Variants in CPXM1 observed in about 807,000 individuals in gnomAD.
CPXM1 encodes the protein carboxypeptidase X, M14 family member 1, also known as probable carboxypeptidase X1.
Under a neutral mutation model 80.4 loss-of-function variants are expected in CPXM1, and 72 were observed. That is an observed-to-expected ratio of 0.90 (90% CI 0.74 to 1.09). CPXM1 has a LOEUF of 1.09. CPXM1 is among the 50% of genes least tolerant of loss of function. The probability of loss-of-function intolerance (pLI) is 0.00; values close to 1 mark genes in which losing one functional copy is unlikely to be tolerated. For missense variants in CPXM1, 892 were observed against 999.4 expected (o/e 0.89, Z 1.45); for synonymous variants, 403 against 405.6 (o/e 0.99, Z 0.08).
intron 5 of CPXM1, 122 bp downstream of exon 5, chr20:2,797,846 C>T (rs1030758124): frequency 5.8e-6 from 5 of 861,738 alleles, no homozygotes; most frequent in Non-Finnish European, 9.2e-6. Flanking sequence ...TGACAACAAG[C>T]CACACCCCCC....
chr20:2,796,764 T>A lies in CPXM1; in HGVS notation c.922-114A>T. 1 of 1,440,336 alleles carries A rather than the reference T, an allele frequency of 6.9e-7. No individual in the cohort carries two copies. Among genetic ancestry groups the A allele is most frequent in the African/African-American group, 1.4e-5 (1 of 71,594 alleles). 89.2% of individuals were successfully genotyped at this position (1,440,336 alleles called of 1,614,324 possible). The stretch of plus-strand genomic sequence containing the variant: ...AGCGATGGCCCACACAGAGGGGGCA[T>A]CCCATCATGGTACAGGAGGGGAGCG... On this transcript the variant is annotated intron_variant, in intron 7 of 13. Transcript: ENST00000380605. This position sits in a 1 kb window ranked among gnomAD's most constrained non-coding sequence, Gnocchi z 6.8.
At chr20:2,799,567 GCC>G (rs1469911212) in intron 1 of CPXM1, among the ~76,000 whole-genome samples, 1 of 152,066 alleles carries the variant, frequency 6.6e-6, no homozygotes, top group African/African-American at 2.4e-5. Flanking sequence ...CGCATCTGGT[GCC>G]CCTGTGCCTT....
chr20:2,800,415 G>T lies in CPXM1; in HGVS notation c.158C>A (p.Ala53Glu). Residue 53 changes from alanine to glutamate, a missense_variant, in exon 1 of 14, where the codon GCG becomes GAG. By Grantham distance (107) the Ala-to-Glu change is moderately radical. This residue lies in a region of CPXM1 where 874 missense variants were observed against 958.4 expected (regional missense o/e 0.91). Transcript: ENST00000380605. ...GGGGAACTCACCGTTAGCTGTCTCC[G>T]CCGGCGGCTGTGCCGGGCTGCTATG... ...ALHSSPAQPPAETANGTSEQH... is the reference protein window; with the variant it reads ...ALHSSPAQPPEETANGTSEQH... 6.5e-7 allele frequency: 1 copy of T among 1,530,196 alleles called. No homozygotes were observed. The allele number at this position is 1,530,196 out of a possible 1,614,324, so 94.8% of individuals were successfully genotyped here.
chr20:2,795,641 C>T lies in CPXM1; in HGVS notation c.1678G>A (p.Gly560Ser), dbSNP rs149777086. ...PCHSQDFSVH[G>S]NIINGADWHT... The stretch of plus-strand genomic sequence containing the variant: ...CAGTCAGCCCCGTTGATGATGTTGC[C>T]GTGCACGGAGAAGTCCTGGCTGTGG... The change falls in exon 11 of 14, where the codon GGC (glycine) becomes AGC (serine). Residue 560 changes from glycine (G) to serine (S), a missense_variant. Gly to Ser is a moderately conservative substitution (Grantham distance 56). This residue lies in a region of CPXM1 where 874 missense variants were observed against 958.4 expected (regional missense o/e 0.91). Transcript: ENST00000380605. The surrounding 1 kb of genome is among the most constrained non-coding windows in gnomAD (Gnocchi z 5.4). 60 of 1,613,952 alleles carry T rather than the reference C, an allele frequency of 3.7e-5. No individual in the cohort carries two copies. The highest frequency in any genetic ancestry group is 1.3e-4 in the African/African-American group (10 of 74,918).
At chr20:2,797,142 T>A (rs770344224) in intron 6 of CPXM1, 48 bp from the exon 7 acceptor site, 1 of 1,612,618 alleles carries the variant, frequency 6.2e-7, no homozygotes, top group South Asian at 1.1e-5. Context: ...CAGTGAAGGA[T>A]GCACCCTGCA....
chr20:2,794,664 C>A lies in CPXM1; in HGVS notation c.1861-25G>T, dbSNP rs752581713. ...CCTGTGTGGGAAGAGGTTATCAGAGCCCTTCCCCTTCGGCAGGATAATGTG... is the reference window on the plus strand; with the variant it reads ...CCTGTGTGGGAAGAGGTTATCAGAGACCTTCCCCTTCGGCAGGATAATGTG... On this transcript the variant is annotated intron_variant, in intron 12 of 13. Transcript: ENST00000380605. The surrounding 1 kb of genome is among the most constrained non-coding windows in gnomAD (Gnocchi z 5.2). The A allele has an allele frequency of 2.4e-4, 379 of 1,577,092 alleles. 5 individuals are homozygous for A. The South Asian group carries it at 3.4e-3, about 14-fold the overall frequency.
In CPXM1 at chr20:2,798,384, C is replaced by T. The variant is rs774793206; in HGVS notation, c.450+44G>A. The T allele has an allele frequency of 1.1e-5, 17 of 1,601,884 alleles. No individual in the cohort carries two copies. In the East Asian group the frequency reaches 3.4e-4, roughly 32 times the overall value. ...GCAGGAGAGAAGCTCCCAGGGGCTG[C>T]CTTCCCTACCCTGAGACCATGGCTC... is the stretch of plus-strand genomic sequence containing the variant. On this transcript the variant is annotated intron_variant, in intron 3 of 13. Coordinates refer to ENST00000380605, the MANE Select transcript of CPXM1 (RefSeq NM_019609.5).
chr20:2,795,275 A>G lies in CPXM1; in HGVS notation c.1860+2T>C. The G allele has an allele frequency of 6.2e-7, 1 of 1,613,510 alleles. No homozygotes were observed. Among genetic ancestry groups the G allele is most frequent in the Non-Finnish European group, 8.5e-7 (1 of 1,179,868 alleles). ...GGCTGGGGGCCGGGACGCAGATCCGACCTGCTCCAGGTAGGTGAGGAGGGC... is the reference window on the plus strand; with the variant it reads ...GGCTGGGGGCCGGGACGCAGATCCGGCCTGCTCCAGGTAGGTGAGGAGGGC... On this transcript the variant is annotated splice_donor_variant, in intron 12 of 13. Coordinates refer to ENST00000380605, the MANE Select transcript of CPXM1 (RefSeq NM_019609.5). LOFTEE classifies it high-confidence loss of function. This position sits in a 1 kb window ranked among gnomAD's most constrained non-coding sequence, Gnocchi z 5.4.
In CPXM1 at chr20:2,798,234, C is replaced by T. The variant is rs759693140; in HGVS notation, c.508G>A (p.Ala170Thr). ...DGAWCAEEQDADPWFQVDAGH... is the reference protein window; with the variant it reads ...DGAWCAEEQDTDPWFQVDAGH... ...GCGTCCACCTGAAACCATGGATCGG[C>T]GTCCTGCTCCTCAGCACACCAGGCT... Residue 170 changes from alanine (A) to threonine (T), a missense_variant, in exon 4 of 14, where the codon GCC becomes ACC. Transcript: ENST00000380605. The T allele has an allele frequency of 3.1e-6, 5 of 1,613,852 alleles. No individual in the cohort carries two copies. Among genetic ancestry groups the T allele is most frequent in the African/African-American group, 2.7e-5 (2 of 74,936 alleles).
At position 2,794,201 on chromosome 20, in the gene CPXM1, G is replaced by C. The variant is rs1365725943; in HGVS notation, c.2194C>G (p.Gln732Glu). The C allele has an allele frequency of 1.9e-5, 31 of 1,611,734 alleles. No individual in the cohort carries two copies. The highest frequency in any genetic ancestry group is 2.6e-5 in the Non-Finnish European group (31 of 1,179,316). Residue 732 changes from glutamine to glutamate, a missense_variant, in exon 14 of 14, where the codon CAG becomes GAG. This residue lies in a region of CPXM1 where 874 missense variants were observed against 958.4 expected (regional missense o/e 0.91). Transcript: ENST00000380605. This position sits in a 1 kb window ranked among gnomAD's most constrained non-coding sequence, Gnocchi z 5.2. Reference sequence around the variant, plus strand: ...TTAAACCGCAGGTATCAATCCTTCTGTCCCCTTAGCCGCTCCAGGCGCCTG... The same window carrying C: ...TTAAACCGCAGGTATCAATCCTTCTCTCCCCTTAGCCGCTCCAGGCGCCTG... ...LRRRLERLRG[Q>E]KD
At chr20:2,799,832 T>C (rs2088548771) in intron 1 of CPXM1, among the ~76,000 whole-genome samples, 1 of 152,172 alleles carries the variant, frequency 6.6e-6, no homozygotes, top group African/African-American at 2.4e-5. Flanking sequence ...TTGTTCTTTC[T>C]CTCCAGCCCT....
chr20:2,797,343 C>A lies in CPXM1; in HGVS notation c.682-1G>T. 6.7e-7 allele frequency: 1 copy of A among 1,483,984 alleles called. No individual in the cohort carries two copies. The allele number at this position is 1,483,984 out of a possible 1,614,324, so 91.9% of individuals were successfully genotyped here. On this transcript the variant is annotated splice_acceptor_variant, in intron 5 of 13. Transcript: ENST00000380605. LOFTEE classifies it high-confidence loss of function. ...CTGGGTCTGAATTGGCAGGAAATACCTGGGGGCAGCAAGTTCTCTGTTGTG... is the reference window on the plus strand; with the variant it reads ...CTGGGTCTGAATTGGCAGGAAATACATGGGGGCAGCAAGTTCTCTGTTGTG...
In CPXM1 at chr20:2,798,569, C is replaced by G. The variant is rs1326053124; in HGVS notation, c.341-32G>C. 12 of 1,593,088 alleles carry G rather than the reference C, an allele frequency of 7.5e-6. No individual in the cohort carries two copies. In the African/African-American group the frequency reaches 1.6e-4, roughly 21 times the overall value. On this transcript the variant is annotated intron_variant, in intron 2 of 13. Transcript: ENST00000380605. ...CGGGGATAGAACAGTGAGACAGGAC[C>G]AGAGGGAGGGTAGCCAGGGCAGGTG...
chr20:2,798,434 G>A lies in CPXM1; in HGVS notation c.444C>T (p.Asn148=), dbSNP rs1442106654. 1 of 1,613,350 alleles carries A rather than the reference G, an allele frequency of 6.2e-7. No homozygotes were observed. Among genetic ancestry groups the A allele is most frequent in the Non-Finnish European group, 8.5e-7 (1 of 1,179,524 alleles). ...FGLGPHRGRL[N]IQSGLEDGDL... ...CCGAGCCAGGATTACTGACCTGAAT[G>A]TTGAGCCGTCCTCGGTGTGGTCCAA... is the stretch of plus-strand genomic sequence containing the variant. Residue 148 remains asparagine, a synonymous_variant, in exon 3 of 14, where the codon AAC becomes AAT. Coordinates refer to ENST00000380605, the MANE Select transcript of CPXM1 (RefSeq NM_019609.5).
At position 2,795,711 on chromosome 20, in the gene CPXM1, A is replaced by G; in HGVS notation, c.1608T>C (p.Tyr536=). ...CCTGCATGGCCAGATTACTGCCAGC[A>G]TAGACAGTGCTGAGCCAGCGAAACA... The part of the protein sequence containing the change: ...DAVFRWLSTV[Y]AGSNLAMQDT... The change falls in exon 11 of 14, where the codon TAT becomes TAC. Residue 536 remains tyrosine, a synonymous_variant. Transcript: ENST00000380605. The surrounding 1 kb of genome is among the most constrained non-coding windows in gnomAD (Gnocchi z 5.4). The G allele has an allele frequency of 6.2e-7, 1 of 1,613,996 alleles. No homozygotes were observed. The highest frequency in any genetic ancestry group is 8.5e-7 in the Non-Finnish European group (1 of 1,180,030).
chr20:2,799,545 G>A (rs568818617), intron 1 of CPXM1, among the ~76,000 whole-genome samples: 115 of 152,182 alleles, frequency 7.6e-4, no homozygotes, highest in Admixed American at 3.3e-3. Context: ...TCCAGAACAG[G>A]CTGCCCATTT....
At chr20:2,799,488 C>T (rs2088545188) in intron 1 of CPXM1, among the ~76,000 whole-genome samples, 1 of 152,202 alleles carries the variant, frequency 6.6e-6, no homozygotes, top group Admixed American at 6.5e-5. Flanking sequence ...GCACAAGGCT[C>T]TGCCCAGGCA....
At position 2,796,827 on chromosome 20, in the gene CPXM1, C is replaced by A. The variant is rs576568240; in HGVS notation, c.922-177G>T. On this transcript the variant is annotated intron_variant, in intron 7 of 13. Coordinates refer to ENST00000380605, the MANE Select transcript of CPXM1 (RefSeq NM_019609.5). This position sits in a 1 kb window ranked among gnomAD's most constrained non-coding sequence, Gnocchi z 6.8. ...GGAGGAAGGGGTAGGACTGGGGGGGCGCCATAATAAGGGAAAGTGGGATGG... is the reference window on the plus strand; with the variant it reads ...GGAGGAAGGGGTAGGACTGGGGGGGAGCCATAATAAGGGAAAGTGGGATGG... Among the ~76,000 whole-genome samples, 1 of 151,682 alleles carries A rather than the reference C, an allele frequency of 6.6e-6. No homozygotes were observed. Among genetic ancestry groups the A allele is most frequent in the Non-Finnish European group, 1.5e-5 (1 of 67,934 alleles).
chr20:2,794,497 G>A lies in CPXM1; in HGVS notation c.1963+40C>T, dbSNP rs778749086. The stretch of plus-strand genomic sequence containing the variant: ...TCTTCTGCTTCTTCCCGAGCCTCCA[G>A]CCCTCCAGCCCCTTCCCTTGCCCTC... On this transcript the variant is annotated intron_variant, in intron 13 of 13. Transcript: ENST00000380605. This position sits in a 1 kb window ranked among gnomAD's most constrained non-coding sequence, Gnocchi z 5.2. The A allele has an allele frequency of 1.2e-6, 2 of 1,613,576 alleles. No individual in the cohort carries two copies. The highest frequency in any genetic ancestry group is 3.3e-5 in the Admixed American group (2 of 60,012).
Sources: allele counts gnomAD v4.1 joint callset (sites outside exome capture counted in the v4.1 genomes callset), GRCh38; gene constraint gnomAD v4.1.1; regional missense constraint gnomAD v4.1.1; non-coding constraint Gnocchi (gnomAD v3.1); transcripts MANE v1.5; gene names NCBI Gene and HGNC (gene_info 2026-07-23, HGNC 2026-07-21).